The following DENND1A variants were observed in gnomAD, a reference collection of about 807,000 sequenced individuals.
DENND1A encodes the protein DENN domain-containing protein 1A.
In DENND1A, 51 loss-of-function variants were observed where a neutral mutation model predicts 113.7. The observed-to-expected ratio is 0.45, with a 90% CI of 0.36 to 0.57. DENND1A has a LOEUF of 0.57. Among genes scored for constraint, DENND1A ranks in the 20% least tolerant of loss-of-function variants. The pLI is 0.00. For synonymous variants in DENND1A, 565 were observed against 570.8 expected, an observed-to-expected ratio of 0.99 and a Z score of 0.14; for missense variants, 1,258 against 1,395.9, an observed-to-expected ratio of 0.90 and a Z score of 1.57.
intron 5 of DENND1A, among the ~76,000 whole-genome samples, chr9:123,705,406 G>T (rs2066133566): frequency 2.0e-5 from 3 of 152,060 alleles, no homozygotes; most frequent in Non-Finnish European, 2.9e-5. Flanking sequence ...AGGTAAAGTG[G>T]TTATTTATAA....
intron 19 of DENND1A, among the ~76,000 whole-genome samples, chr9:123,436,421 G>T (rs576001129): frequency 2.0e-5 from 3 of 152,336 alleles, no homozygotes; most frequent in African/African-American, 4.8e-5. Context: ...TTTGCCTTCA[G>T]GTCTAATGCA....
chr9:123,599,379 A>G (rs1298189643), intron 11 of DENND1A, among the ~76,000 whole-genome samples: 1 of 152,246 alleles, frequency 6.6e-6, no homozygotes, highest in Admixed American at 6.5e-5. Flanking sequence ...CAGGGGGGAA[A>G]AAAGGCATGG....
At chr9:123,488,887 C>A (rs542576186) in intron 13 of DENND1A, among the ~76,000 whole-genome samples, 1 of 152,238 alleles carries the variant, frequency 6.6e-6, no homozygotes, top group South Asian at 2.1e-4. Flanking sequence ...GAGGGCCTGC[C>A]GAGCCACCCG....
intron 2 of DENND1A, among the ~76,000 whole-genome samples, chr9:123,799,222 C>T: frequency 6.6e-6 from 1 of 152,066 alleles, no homozygotes; most frequent in Middle Eastern, 3.2e-3. Flanking sequence ...CTGTGACAGG[C>T]ATTTTAGAGA....
chr9:123,495,606 T>A (rs1159449469), intron 13 of DENND1A, among the ~76,000 whole-genome samples: 1 of 152,144 alleles, frequency 6.6e-6, no homozygotes. Context: ...AACCCACCGA[T>A]CAATATGAAG....
intron 8 of DENND1A, among the ~76,000 whole-genome samples, chr9:123,659,946 A>G (rs950913815): frequency 3.3e-5 from 5 of 152,240 alleles, no homozygotes; most frequent in African/African-American, 1.2e-4. Flanking sequence ...TGGTCCTACA[A>G]AAGTTCAGAT....
At chr9:123,683,728 C>G (rs1274284599) in intron 5 of DENND1A, among the ~76,000 whole-genome samples, 3 of 152,306 alleles carry the variant, frequency 2.0e-5, no homozygotes, top group Non-Finnish European at 4.4e-5. Flanking sequence ...CCATTGGTGT[C>G]AACTCCATGA....
chr9:123,903,780 C>A (rs934242061), intron 1 of DENND1A, among the ~76,000 whole-genome samples: 1 of 152,196 alleles, frequency 6.6e-6, no homozygotes, highest in African/African-American at 2.4e-5. Context: ...AGCAAGGCGG[C>A]AGCGAGGCTG....
intron 2 of DENND1A, among the ~76,000 whole-genome samples, chr9:123,838,971 C>T (rs925932571): frequency 6.6e-6 from 1 of 152,186 alleles, no homozygotes; most frequent in African/African-American, 2.4e-5. Context: ...CACACATGGG[C>T]AAGAGCCATA....
chr9:123,630,357 A>G lies in DENND1A; in HGVS notation c.719+19T>C, dbSNP rs201944388. The G allele has an allele frequency of 4.2e-4, 656 of 1,569,134 alleles. No individual in the cohort carries two copies. The highest frequency in any genetic ancestry group is 5.3e-4 in the Non-Finnish European group (609 of 1,153,200). ...GATCAGGGCAAAGGAGAAGCAGAGG[A>G]CAGGGCCAGCCACCTTACCAGCAGT... is the stretch of plus-strand genomic sequence containing the variant. On this transcript the variant is annotated intron_variant, in intron 10 of 23. Coordinates refer to ENST00000394215, the MANE Select transcript of DENND1A (RefSeq NM_001352964.2).
chr9:123,567,140 G>A (rs866194637), intron 12 of DENND1A, among the ~76,000 whole-genome samples: 9 of 152,126 alleles, frequency 5.9e-5, no homozygotes, highest in African/African-American at 2.2e-4. Context: ...TTTCAAAGAA[G>A]GGTTTTCCCC....
At chr9:123,604,686 C>T (rs1477909127) in intron 11 of DENND1A, among the ~76,000 whole-genome samples, 1 of 152,152 alleles carries the variant, frequency 6.6e-6, no homozygotes, top group Non-Finnish European at 1.5e-5. Context: ...TTGTCAAATT[C>T]TACAGAAGTG....
At chr9:123,847,153 G>C (rs1842737241) in intron 2 of DENND1A, among the ~76,000 whole-genome samples, 1 of 152,080 alleles carries the variant, frequency 6.6e-6, no homozygotes, top group Non-Finnish European at 1.5e-5. Context: ...TAAATGGATG[G>C]TTTTAAAAGC....
intron 13 of DENND1A, among the ~76,000 whole-genome samples, chr9:123,483,766 C>A (rs547656416): frequency 6.6e-6 from 1 of 152,144 alleles, no homozygotes; most frequent in African/African-American, 2.4e-5. Context: ...CAGGTCAGTT[C>A]GTTTGTAAGA....
Position 123,674,843 on chromosome 9 carries a change from T to C in DENND1A, c.372+1877A>G, listed in dbSNP as rs1399482377. ...TTTGTTTTGCTGAGTTTTTTTCTCT[T>C]TTTTTTTTTTTTTTGGACTGGAACA... is the stretch of plus-strand genomic sequence containing the variant. On this transcript the variant is annotated intron_variant, in intron 6 of 23. Coordinates refer to ENST00000394215, the MANE Select transcript of DENND1A (RefSeq NM_001352964.2). Among the ~76,000 whole-genome samples, 26 of 43,558 alleles carry C rather than the reference T, an allele frequency of 6.0e-4. No homozygotes were observed. The African/African-American group carries it at 6.6e-3, about 11-fold the overall frequency. 28.6% of individuals were successfully genotyped at this position (43,558 alleles called of 152,430 possible).
intron 6 of DENND1A, among the ~76,000 whole-genome samples, chr9:123,674,044 T>C (rs956092069): frequency 1.3e-5 from 2 of 151,986 alleles, no homozygotes; most frequent in Non-Finnish European, 2.9e-5. Context: ...GCTGCCTCCC[T>C]TCTCACATGG....
At chr9:123,602,165 C>T (rs985903083) in intron 11 of DENND1A, among the ~76,000 whole-genome samples, 3 of 152,158 alleles carry the variant, frequency 2.0e-5, no homozygotes, top group African/African-American at 7.2e-5. Flanking sequence ...TCTCTGATAC[C>T]AAAGGGTATA....
rs76321855 is a variant in DENND1A, at chr9:123,606,001, C to T, written c.765+3435G>A. Among the ~76,000 whole-genome samples the T allele has an allele frequency of 7.0e-3, 1,070 of 152,216 alleles. 17 individuals carry two copies. The highest frequency in any genetic ancestry group is 0.024 in the African/African-American group (1,009 of 41,530). On this transcript the variant is annotated intron_variant, in intron 11 of 23. Transcript: ENST00000394215. The stretch of plus-strand genomic sequence containing the variant: ...ATTGCCAGTAAGAAAACTAGTGTAG[C>T]GAGAGGAGATGGGCCTTCCTGAGCA...
At chr9:123,683,326 AT>A in intron 5 of DENND1A, among the ~76,000 whole-genome samples, 1 of 152,236 alleles carries the variant, frequency 6.6e-6, no homozygotes, top group South Asian at 2.1e-4. Context: ...AATGATTTCA[AT>A]ATGAAAGGAT....
Sources: allele counts gnomAD v4.1 joint callset (sites outside exome capture counted in the v4.1 genomes callset), GRCh38; gene constraint gnomAD v4.1.1; transcripts MANE v1.5; gene names NCBI Gene and HGNC (gene_info 2026-07-23, HGNC 2026-07-21).